The following ACAD11 variants were observed in gnomAD, a reference collection of about 807,000 sequenced individuals.
The protein encoded by ACAD11 is acyl-CoA dehydrogenase family member 11, also known as acyl-Coenzyme A dehydrogenase family, member 11.
ACAD11 carries 83 observed loss-of-function variants against 102.2 expected under a neutral mutation model. The observed-to-expected ratio is 0.81, with a 90% CI of 0.68 to 0.97. ACAD11 has a LOEUF of 0.97. Among genes scored for constraint, ACAD11 ranks in the 50% least tolerant of loss-of-function variants. ACAD11 has a pLI of 0.00. For synonymous variants in ACAD11, 324 were observed against 319.8 expected (o/e 1.01, Z -0.14); for missense variants, 901 against 951.7 (o/e 0.95, Z 0.70).
rs1350496377 is a variant in ACAD11, at chr3:132,641,959, G to A, written c.537+13C>T. 3 of 1,585,444 alleles carry A rather than the reference G, an allele frequency of 1.9e-6. No homozygotes were observed. The highest frequency in any genetic ancestry group is 2.2e-5 in the East Asian group (1 of 44,480). On this transcript the variant is annotated intron_variant, in intron 4 of 19. Coordinates refer to ENST00000264990, the MANE Select transcript of ACAD11 (RefSeq NM_032169.5). ...GAACTTGAAAAAAATAGCTATTAAT[G>A]TGGATGCATTACCTGTCTTTTGCAG...
intron 4 of ACAD11, among the ~76,000 whole-genome samples, chr3:132,640,114 T>C (rs990538462): frequency 6.6e-6 from 1 of 151,472 alleles, no homozygotes; most frequent in African/African-American, 2.4e-5. Context: ...AAAGAAGACA[T>C]TTACTTTTTT....
chr3:132,618,689 A>C lies in ACAD11; in HGVS notation c.1359T>G (p.Ala453=), dbSNP rs913792433. Residue 453 remains alanine (A), a synonymous_variant, in exon 11 of 20, where the codon GCT becomes GCG. Coordinates refer to ENST00000264990, the MANE Select transcript of ACAD11 (RefSeq NM_032169.5). ...GLSHVDYALI[A]EETGKCFFAP... The stretch of plus-strand genomic sequence containing the variant: ...CAAAAAAGCATTTTCCTGTTTCTTC[A>C]GCAATCAAGGCATAGTCCACGTGGC... The C allele has an allele frequency of 2.5e-6, 4 of 1,608,384 alleles. No homozygotes were observed. The highest frequency in any genetic ancestry group is 3.4e-6 in the Non-Finnish European group (4 of 1,177,756).
chr3:132,608,574 A>G (rs1237985587), intron 11 of ACAD11, among the ~76,000 whole-genome samples: 3 of 152,374 alleles, frequency 2.0e-5, no homozygotes, highest in Middle Eastern at 3.4e-3. Context: ...AAAGGGATCA[A>G]TGCAACAAGA....
chr3:132,618,608 A>T (rs1357572153), intron 11 of ACAD11, 26 bp downstream of exon 11: 1 of 1,522,324 alleles, frequency 6.6e-7, no homozygotes, highest in Non-Finnish European at 8.8e-7. Context: ...ATTAGAAAAA[A>T]TTATGTTTTC....
chr3:132,655,528 C>T (rs1433368572), intron 1 of ACAD11, among the ~76,000 whole-genome samples: 3 of 152,168 alleles, frequency 2.0e-5, no homozygotes, highest in Non-Finnish European at 4.4e-5. Flanking sequence ...ATTAGCAGTC[C>T]CCTCTGTCTG....
Position 132,642,782 on chromosome 3 carries a change from G to T in ACAD11, c.270C>A (p.Val90=). 6.2e-7 allele frequency: 1 copy of T among 1,612,250 alleles called. No individual in the cohort carries two copies. The highest frequency in any genetic ancestry group is 8.5e-7 in the Non-Finnish European group (1 of 1,179,304). Residue 90 remains valine (V), a synonymous_variant, in exon 3 of 20, where the codon GTC becomes GTA. Coordinates refer to ENST00000264990, the MANE Select transcript of ACAD11 (RefSeq NM_032169.5). ...KAHQIDREFK[V]QKALFSIGFP... ...ATCCAATTGAAAACAAGGCTTTCTG[G>T]ACTTTAAATTCTCTATCAATCTAAA...
chr3:132,642,023 CTG>C lies in ACAD11; in HGVS notation c.484_485del (p.Gln162ValfsTer50), dbSNP rs1450574416. ...TACCATATCCTTCCAGCTGCAGTGACTGTATATTCAAGGAATGTAACTGAGCC... is the reference window on the plus strand; with the variant it reads ...TACCATATCCTTCCAGCTGCAGTGACTATATTCAAGGAATGTAACTGAGCC... The part of the protein sequence containing the change: ...TLAQLHSLNI[Q>X]SLQLEGYGIG... On this transcript the variant is annotated frameshift_variant, in exon 4 of 20. Transcript: ENST00000264990. LOFTEE classifies it high-confidence loss of function. 6.2e-7 allele frequency: 1 copy of C among 1,613,878 alleles called. No individual in the cohort carries two copies. Among genetic ancestry groups the C allele is most frequent in the Non-Finnish European group, 8.5e-7 (1 of 1,179,922 alleles).
chr3:132,623,145 CA>C (rs1488918567), intron 9 of ACAD11, among the ~76,000 whole-genome samples: 1 of 151,998 alleles, frequency 6.6e-6, no homozygotes, highest in Non-Finnish European at 1.5e-5. Flanking sequence ...CAAGGAGTTT[CA>C]AAAGGTCATT....
intron 13 of ACAD11, among the ~76,000 whole-genome samples, chr3:132,592,589 C>T (rs1405228909): frequency 6.6e-6 from 1 of 152,028 alleles, no homozygotes; most frequent in African/African-American, 2.4e-5. Context: ...AAAAACATGA[C>T]CTTTGAGTAT....
intron 9 of ACAD11, chr3:132,621,222 GA>G (rs933819575): frequency 6.6e-6 from 1 of 152,164 alleles, no homozygotes; most frequent in African/African-American, 2.4e-5. Context: ...GAACATTAAA[GA>G]GAAAGAAAAG....
chr3:132,577,457 A>G (rs140590545), intron 15 of ACAD11, among the ~76,000 whole-genome samples: 25 of 152,314 alleles, frequency 1.6e-4, no homozygotes, highest in East Asian at 9.6e-4. Context: ...GTGGAAACCA[A>G]CGCCTAAAGA....
chr3:132,610,548 C>T (rs575800058), intron 11 of ACAD11, among the ~76,000 whole-genome samples: 1 of 152,204 alleles, frequency 6.6e-6, no homozygotes, highest in South Asian at 2.1e-4. Flanking sequence ...GATATCACCA[C>T]CGATCCCACA....
In ACAD11 at chr3:132,609,813, G is replaced by T. The variant is rs553354932; in HGVS notation, c.1415-4608C>A. 2.0e-5 allele frequency among the ~76,000 whole-genome samples: 3 copies of T among 152,200 alleles called. No individual in the cohort carries two copies. The South Asian group carries it at 6.2e-4, about 32-fold the overall frequency. On this transcript the variant is annotated intron_variant, in intron 11 of 19. Coordinates refer to ENST00000264990, the MANE Select transcript of ACAD11 (RefSeq NM_032169.5). ...ATCATCCTGATACCAAAACCTGGTGGAGACACAACAAAAAAAGAAAATTTC... is the reference window on the plus strand; with the variant it reads ...ATCATCCTGATACCAAAACCTGGTGTAGACACAACAAAAAAAGAAAATTTC...
At chr3:132,579,603 A>G (rs778056345) in intron 13 of ACAD11, 45 bp from the exon 14 acceptor site, 1 of 1,525,200 alleles carries the variant, frequency 6.6e-7, no homozygotes, top group Non-Finnish European at 9.1e-7. Context: ...GGAAATTTCT[A>G]GTTTGACATT....
chr3:132,630,571 C>A lies in ACAD11; in HGVS notation c.842-13G>T. The stretch of plus-strand genomic sequence containing the variant: ...ATTGATGGTATCCCTATAAAAACAG[C>A]ATGTAATATAAACTTTAATTAAAAT... On this transcript the variant is annotated splice_polypyrimidine_tract_variant and intron_variant, in intron 6 of 19. Coordinates refer to ENST00000264990, the MANE Select transcript of ACAD11 (RefSeq NM_032169.5). 1 of 1,591,452 alleles carries A rather than the reference C, an allele frequency of 6.3e-7. No individual in the cohort carries two copies. The highest frequency in any genetic ancestry group is 8.5e-7 in the Non-Finnish European group (1 of 1,169,978).
intron 5 of ACAD11, among the ~76,000 whole-genome samples, chr3:132,636,826 T>C (rs1341846840): frequency 6.6e-6 from 1 of 152,080 alleles, no homozygotes; most frequent in Non-Finnish European, 1.5e-5. Flanking sequence ...TTGAGGGGCA[T>C]GGTGTAATTC....
At chr3:132,629,127 A>G (rs1939934979) in intron 7 of ACAD11, among the ~76,000 whole-genome samples, 1 of 152,096 alleles carries the variant, frequency 6.6e-6, no homozygotes, top group African/African-American at 2.4e-5. Context: ...ACCATCTCCA[A>G]AGCTACTACA....
At chr3:132,610,993 AATCCAGCAGCAC>A (rs1939111427) in intron 11 of ACAD11, among the ~76,000 whole-genome samples, 1 of 152,190 alleles carries the variant, frequency 6.6e-6, no homozygotes, top group African/African-American at 2.4e-5. Flanking sequence ...TGGCAAACGG[AATCCAGCAGCAC>A]ATCAAAAAGC....
At chr3:132,657,528 T>C (rs1206597633) in intron 1 of ACAD11, among the ~76,000 whole-genome samples, 1 of 152,240 alleles carries the variant, frequency 6.6e-6, no homozygotes, top group African/African-American at 2.4e-5. Context: ...AGAAAAAAGT[T>C]TGCAATATTG....
Sources: allele counts gnomAD v4.1 joint callset (sites outside exome capture counted in the v4.1 genomes callset), GRCh38; gene constraint gnomAD v4.1.1; transcripts MANE v1.5; gene names NCBI Gene and HGNC (gene_info 2026-07-23, HGNC 2026-07-21).